The following FBXL7 variants were observed in gnomAD, a reference collection of about 807,000 sequenced individuals.
The protein encoded by FBXL7 is F-box and leucine rich repeat protein 7.
Under a neutral mutation model 38.3 loss-of-function variants are expected in FBXL7, and 12 were observed. The observed-to-expected ratio is 0.31, with a 90% CI of 0.20 to 0.51. FBXL7 has a LOEUF of 0.51. Among genes scored for constraint, FBXL7 ranks in the 20% least tolerant of loss-of-function variants. The pLI is 0.98. For missense variants in FBXL7, 567 were observed against 676.4 expected, an observed-to-expected ratio of 0.84 and a Z score of 1.79; for synonymous variants, 297 against 300.9, an observed-to-expected ratio of 0.99 and a Z score of 0.13.
chr5:15,501,749 C>T (rs1736492056), intron 1 of FBXL7: 1 of 985,378 alleles, frequency 1.0e-6, no homozygotes, highest in Non-Finnish European at 1.2e-6. Flanking sequence ...CGTTTCTCAG[C>T]AGTTTTGTGA....
At chr5:15,656,030 T>G (rs1177394338) in intron 2 of FBXL7, among the ~76,000 whole-genome samples, 1 of 152,232 alleles carries the variant, frequency 6.6e-6, no homozygotes, top group African/African-American at 2.4e-5. Flanking sequence ...TAATCCATGT[T>G]TGTTTAAAAT....
chr5:15,693,538 C>T (rs1021591483), intron 2 of FBXL7, among the ~76,000 whole-genome samples: 7 of 152,172 alleles, frequency 4.6e-5, no homozygotes, highest in African/African-American at 1.7e-4. Context: ...GGCCTGTGCC[C>T]ATGGACCTAA....
At chr5:15,586,950 T>C (rs1234265918) in intron 1 of FBXL7, among the ~76,000 whole-genome samples, 1 of 152,216 alleles carries the variant, frequency 6.6e-6, no homozygotes, top group Non-Finnish European at 1.5e-5. Flanking sequence ...TCAAGTTCTA[T>C]CTGTTTCTCT....
intron 2 of FBXL7, among the ~76,000 whole-genome samples, chr5:15,789,900 A>C (rs1208898434): frequency 6.6e-6 from 1 of 152,190 alleles, no homozygotes; most frequent in Admixed American, 6.5e-5. Context: ...CGATGCTTAC[A>C]ATAAAATGCG....
intron 2 of FBXL7, among the ~76,000 whole-genome samples, chr5:15,666,079 G>A (rs1375426057): frequency 6.6e-6 from 1 of 152,080 alleles, no homozygotes; most frequent in African/African-American, 2.4e-5. Flanking sequence ...AATAGGTCAT[G>A]ACTGAGTCCA....
At chr5:15,517,137 C>T (rs886206021) in intron 1 of FBXL7, among the ~76,000 whole-genome samples, 2 of 152,086 alleles carry the variant, frequency 1.3e-5, no homozygotes, top group African/African-American at 4.8e-5. Context: ...CGCCATTCTC[C>T]TGCCTCAGCC....
At chr5:15,842,690 G>A (rs772557383) in intron 2 of FBXL7, among the ~76,000 whole-genome samples, 3 of 152,156 alleles carry the variant, frequency 2.0e-5, no homozygotes, top group Admixed American at 1.3e-4. Flanking sequence ...CCTCCATATT[G>A]TTCTCATTGT....
chr5:15,655,249 A>G (rs1288698250), intron 2 of FBXL7, among the ~76,000 whole-genome samples: 1 of 152,168 alleles, frequency 6.6e-6, no homozygotes. Context: ...TAATCCCACT[A>G]CTTTGAGAGG....
At position 15,712,278 on chromosome 5, in the gene FBXL7, A is replaced by G. The variant is rs1036442980; in HGVS notation, c.127+96206A>G. On this transcript the variant is annotated intron_variant, in intron 2 of 3. Coordinates refer to ENST00000504595, the MANE Select transcript of FBXL7 (RefSeq NM_012304.5). ...CTTTAAAAGCCTTTATACAATTTAT[A>G]TCTCCAGTATTGGAAAAGATTAAAT... Among the ~76,000 whole-genome samples the G allele has an allele frequency of 2.0e-5, 3 of 151,174 alleles. No individual in the cohort carries two copies. In the East Asian group the frequency reaches 6.0e-4, roughly 30 times the overall value.
At chr5:15,764,582 A>G (rs964468521) in intron 2 of FBXL7, among the ~76,000 whole-genome samples, 3 of 152,240 alleles carry the variant, frequency 2.0e-5, no homozygotes, top group Non-Finnish European at 4.4e-5. Flanking sequence ...AGGGGGGCTT[A>G]AGAACAGGAG....
At chr5:15,779,822 A>G (rs1312066677) in intron 2 of FBXL7, among the ~76,000 whole-genome samples, 2 of 152,316 alleles carry the variant, frequency 1.3e-5, no homozygotes, top group African/African-American at 4.8e-5. Context: ...GCAGAACTCA[A>G]TGAGCACTTT....
chr5:15,593,275 A>G (rs10037317), intron 1 of FBXL7, among the ~76,000 whole-genome samples: 86,689 of 151,916 alleles, frequency 0.57, 26,118 homozygotes, highest in African/African-American at 0.77. Context: ...TATAATCCCA[A>G]CACTTTGGGA....
At chr5:15,646,361 AG>A (rs1741534391) in intron 2 of FBXL7, among the ~76,000 whole-genome samples, 1 of 152,176 alleles carries the variant, frequency 6.6e-6, no homozygotes, top group Non-Finnish European at 1.5e-5. Context: ...TTCTAACCTT[AG>A]GGTTATATTG....
chr5:15,860,314 T>C (rs1021351656), intron 2 of FBXL7, among the ~76,000 whole-genome samples: 1 of 152,200 alleles, frequency 6.6e-6, no homozygotes, highest in Admixed American at 6.5e-5. Context: ...GAATCAGATA[T>C]TTTATTTTCA....
At chr5:15,589,484 G>A (rs1367170768) in intron 1 of FBXL7, among the ~76,000 whole-genome samples, 1 of 152,058 alleles carries the variant, frequency 6.6e-6, no homozygotes, top group East Asian at 1.9e-4. Flanking sequence ...TAAGTTTCCC[G>A]AGGCTTCCCC....
chr5:15,872,798 A>G (rs1040177695), intron 2 of FBXL7, among the ~76,000 whole-genome samples: 1 of 152,184 alleles, frequency 6.6e-6, no homozygotes, highest in Admixed American at 6.5e-5. Context: ...CATAGAGACT[A>G]CATAGAGATG....
intron 1 of FBXL7, among the ~76,000 whole-genome samples, chr5:15,550,838 G>A (rs905206428): frequency 6.6e-6 from 1 of 152,160 alleles, no homozygotes; most frequent in African/African-American, 2.4e-5. Flanking sequence ...TGACTCCAGT[G>A]TGAGTCCTGA....
intron 1 of FBXL7, among the ~76,000 whole-genome samples, chr5:15,578,563 C>T (rs1200865030): frequency 1.3e-5 from 2 of 152,144 alleles, no homozygotes; most frequent in African/African-American, 4.8e-5. Flanking sequence ...AACGTGAGTG[C>T]ACTAAGTGTC....
intron 2 of FBXL7, among the ~76,000 whole-genome samples, chr5:15,882,837 G>A (rs984962586): frequency 2.6e-5 from 4 of 152,138 alleles, no homozygotes; most frequent in Non-Finnish European, 1.5e-5. Context: ...CACCCGATGA[G>A]ATAGTTCTTT....
Sources: allele counts gnomAD v4.1 joint callset (sites outside exome capture counted in the v4.1 genomes callset), GRCh38; gene constraint gnomAD v4.1.1; transcripts MANE v1.5; gene names NCBI Gene and HGNC (gene_info 2026-07-23, HGNC 2026-07-21).